RNF217: variants seen among roughly 807,000 people sequenced by gnomAD.
RNF217 encodes the protein ring finger protein 217.
RNF217 carries 31 observed loss-of-function variants against 57.8 expected under a neutral mutation model. The ratio of observed to expected loss-of-function variants is 0.54; its 90% confidence interval spans 0.40 to 0.72. RNF217 has a LOEUF of 0.72. Among genes scored for constraint, RNF217 ranks in the 30% least tolerant of loss-of-function variants. The pLI, the probability that RNF217 is intolerant of heterozygous loss-of-function variation, is 0.00. For missense variants in RNF217, 696 were observed against 708.3 expected (o/e 0.98, Z 0.20); for synonymous variants, 313 against 294.0 (o/e 1.06, Z -0.66).
intron 1 of RNF217, among the ~76,000 whole-genome samples, chr6:125,042,553 A>G (rs983721838): frequency 6.6e-6 from 1 of 152,110 alleles, no homozygotes; most frequent in Non-Finnish European, 1.5e-5. Flanking sequence ...CAATGCAGAG[A>G]GTATGAAAGC....
chr6:125,027,744 T>C (rs558748010), intron 1 of RNF217, among the ~76,000 whole-genome samples: 2 of 152,306 alleles, frequency 1.3e-5, no homozygotes, highest in South Asian at 4.1e-4. Flanking sequence ...TTGTCCATAG[T>C]GGTTGTACTA....
chr6:125,022,746 A>G (rs564076495), intron 1 of RNF217, among the ~76,000 whole-genome samples: 1 of 152,274 alleles, frequency 6.6e-6, no homozygotes, highest in East Asian at 1.9e-4. Flanking sequence ...ACAATTACAC[A>G]TTACACGCTA....
chr6:125,015,290 T>A (rs1785558925), intron 1 of RNF217, among the ~76,000 whole-genome samples: 1 of 152,194 alleles, frequency 6.6e-6, no homozygotes. Flanking sequence ...GTATTGATTT[T>A]AAAAACATGG....
Position 124,963,081 on chromosome 6 carries a change from G to C in RNF217, c.537G>C (p.Ser179=). ...GCGACCTGCCCGAGGCCCCCGCCTC[G>C]GAGCAGCTCTCGCCGCCCGCGTCGC... ...VESDLPEAPA[S]EQLSPPASPP... Residue 179 remains serine (S), a synonymous_variant, in exon 1 of 6, where the codon TCG becomes TCC. Coordinates refer to ENST00000521654, the MANE Select transcript of RNF217 (RefSeq NM_001286398.3). The C allele has an allele frequency of 6.4e-7, 1 of 1,553,874 alleles. No homozygotes were observed. Among genetic ancestry groups the C allele is most frequent in the Non-Finnish European group, 8.6e-7 (1 of 1,157,526 alleles).
intron 1 of RNF217, among the ~76,000 whole-genome samples, chr6:125,007,314 C>T (rs756659924): frequency 4.0e-5 from 6 of 149,694 alleles, no homozygotes; most frequent in South Asian, 4.2e-4. Flanking sequence ...GGTGCGATCT[C>T]GGCTCACCGC....
Position 124,962,967 on chromosome 6 carries a change from C to T in RNF217, c.423C>T (p.Ala141=), listed in dbSNP as rs1783353866. Residue 141 remains alanine, a synonymous_variant, in exon 1 of 6, where the codon GCC becomes GCT. Transcript: ENST00000521654. This position sits in a 1 kb window ranked among gnomAD's most constrained non-coding sequence, Gnocchi z 4.6. ...TGGAGCCCAGGACCCGCGTGGGGGC[C>T]GCCGACGGACTGGTCCTGGACGTGC... ...EELEPRTRVG[A]ADGLVLDVLG... 1.3e-6 allele frequency: 2 copies of T among 1,597,170 alleles called. No individual in the cohort carries two copies. Among genetic ancestry groups the T allele is most frequent in the East Asian group, 2.2e-5 (1 of 44,804 alleles).
chr6:125,029,366 G>C (rs1786249044), intron 1 of RNF217, among the ~76,000 whole-genome samples: 1 of 152,048 alleles, frequency 6.6e-6, no homozygotes, highest in African/African-American at 2.4e-5. Flanking sequence ...GGGATATAAA[G>C]GAAAATATGG....
At position 125,062,925 on chromosome 6, in the gene RNF217, T is replaced by C. The variant is rs141593075; in HGVS notation, c.1281+4819T>C. Among the ~76,000 whole-genome samples, 21 of 152,300 alleles carry C rather than the reference T, an allele frequency of 1.4e-4. No individual in the cohort carries two copies. The East Asian group carries it at 2.1e-3, about 15-fold the overall frequency. The stretch of plus-strand genomic sequence containing the variant: ...CACTTATGAAACACCATTTTTTATC[T>C]TAACAATGAGTTTTCTATTTAATGT... On this transcript the variant is annotated intron_variant, in intron 3 of 5. Coordinates refer to ENST00000521654, the MANE Select transcript of RNF217 (RefSeq NM_001286398.3).
intron 1 of RNF217, 99 bp downstream of exon 1, chr6:124,963,525 C>G: frequency 7.5e-7 from 1 of 1,333,074 alleles, no homozygotes; most frequent in Non-Finnish European, 9.9e-7. Flanking sequence ...AAGAGGTGAC[C>G]GACACACTTA....
At chr6:124,998,654 A>G (rs1200358653) in intron 1 of RNF217, among the ~76,000 whole-genome samples, 1 of 152,084 alleles carries the variant, frequency 6.6e-6, no homozygotes, top group African/African-American at 2.4e-5. Flanking sequence ...CAAAAAACCT[A>G]GTGAAGCATG....
chr6:125,038,525 T>A (rs2114504408), intron 1 of RNF217, among the ~76,000 whole-genome samples: 1 of 152,288 alleles, frequency 6.6e-6, no homozygotes, highest in Non-Finnish European at 1.5e-5. Flanking sequence ...GGCTCTAAGT[T>A]GACAATGTAA....
intron 1 of RNF217, among the ~76,000 whole-genome samples, chr6:124,994,183 T>C (rs921955923): frequency 6.6e-6 from 1 of 152,178 alleles, no homozygotes; most frequent in African/African-American, 2.4e-5. Context: ...TTATAAATGT[T>C]TAAACATATT....
intron 3 of RNF217, among the ~76,000 whole-genome samples, chr6:125,069,489 T>A (rs1363447747): frequency 1.3e-5 from 2 of 152,206 alleles, no homozygotes; most frequent in Non-Finnish European, 2.9e-5. Flanking sequence ...GTGATTTCAT[T>A]CTTCTTTATG....
Position 124,963,143 on chromosome 6 carries a change from C to A in RNF217, c.599C>A (p.Thr200Asn). 6.5e-7 allele frequency: 1 copy of A among 1,534,250 alleles called. No homozygotes were observed. Among genetic ancestry groups the A allele is most frequent in the Admixed American group, 2.0e-5 (1 of 50,830 alleles). ...CCGCCAGTGTTGAACCCTCCCAGCA[C>A]CCGCTCTTCCTTCCCCAGCCCCCGA... ...GAPPVLNPPS[T>N]RSSFPSPRLS... Residue 200 changes from threonine to asparagine, a missense_variant, in exon 1 of 6, where the codon ACC becomes AAC. By Grantham distance (65) the Thr-to-Asn change is moderately conservative. Coordinates refer to ENST00000521654, the MANE Select transcript of RNF217 (RefSeq NM_001286398.3).
chr6:125,013,382 T>C (rs1295332807), intron 1 of RNF217, among the ~76,000 whole-genome samples: 1 of 151,342 alleles, frequency 6.6e-6, no homozygotes, highest in Non-Finnish European at 1.5e-5. Context: ...TGTGTGTGTG[T>C]GTGTGTGCTG....
At chr6:125,001,205 G>C (rs1455073368) in intron 1 of RNF217, among the ~76,000 whole-genome samples, 2 of 152,056 alleles carry the variant, frequency 1.3e-5, no homozygotes, top group Non-Finnish European at 2.9e-5. Flanking sequence ...GTTATATTAG[G>C]GAATGCTGAA....
rs1356167647 is a variant in RNF217, at chr6:125,091,446, G to A, written c.*8509G>A. 6.6e-6 allele frequency: 1 copy of A among 151,956 alleles called. No individual in the cohort carries two copies. The highest frequency in any genetic ancestry group is 2.4e-5 in the African/African-American group (1 of 41,390). 9.4% of individuals were successfully genotyped at this position (151,956 alleles called of 1,614,324 possible). A position where few individuals can be genotyped will look rare whatever the true frequency, so the allele number is the denominator to read the frequency against. On this transcript the variant is annotated 3_prime_UTR_variant, in exon 6 of 6. Coordinates refer to ENST00000521654, the MANE Select transcript of RNF217 (RefSeq NM_001286398.3). ...AGCATATCTTTAGGGATGTATATAGGCTGCGTTTGCTACCTTAATCTACTG... is the reference window on the plus strand; with the variant it reads ...AGCATATCTTTAGGGATGTATATAGACTGCGTTTGCTACCTTAATCTACTG...
intron 1 of RNF217, among the ~76,000 whole-genome samples, chr6:125,023,817 A>G (rs1027738884): frequency 6.6e-6 from 1 of 152,226 alleles, no homozygotes; most frequent in African/African-American, 2.4e-5. Flanking sequence ...AGGATAGACC[A>G]GGCACAGAAA....
At chr6:125,048,169 A>C (rs1333511176) in intron 2 of RNF217, 1 of 1,336,186 alleles carries the variant, frequency 7.5e-7, no homozygotes. Context: ...GAGCACTGAC[A>C]TGGATACCCC....
Sources: gnomAD v4.1 joint callset for allele counts (sites outside exome capture counted in the v4.1 genomes callset) on GRCh38, gnomAD v4.1.1 for gene constraint, Gnocchi (gnomAD v3.1) non-coding constraint, MANE v1.5 for transcripts, NCBI Gene and HGNC (gene_info 2026-07-23, HGNC 2026-07-21) for gene names.